MVB12B: variants seen among roughly 807,000 people sequenced by gnomAD.
MVB12B encodes multivesicular body subunit 12B.
A neutral mutation model predicts 41.6 loss-of-function variants in MVB12B; 16 were observed. The observed-to-expected ratio is 0.38, with a 90% confidence interval of 0.26 to 0.58. MVB12B has a LOEUF of 0.58. Ranked by LOEUF, MVB12B falls within the 20% of genes least tolerant of loss-of-function variation. MVB12B has a pLI of 0.62. For synonymous variants in MVB12B, 133 were observed against 139.7 expected (o/e 0.95, Z 0.34); for missense variants, 274 against 380.2 (o/e 0.72, Z 2.32).
intron 7 of MVB12B, among the ~76,000 whole-genome samples, chr9:126,448,823 C>T (rs1475859063): frequency 6.6e-6 from 1 of 152,170 alleles, no homozygotes; most frequent in Non-Finnish European, 1.5e-5. Flanking sequence ...CACCTCCCAC[C>T]AGGCTCCCCG....
chr9:126,377,979 G>A (rs982925661), intron 2 of MVB12B, among the ~76,000 whole-genome samples: 2 of 152,218 alleles, frequency 1.3e-5, no homozygotes, highest in Non-Finnish European at 2.9e-5. Flanking sequence ...CCTGTGCCCC[G>A]GCAGTGATGC....
intron 2 of MVB12B, among the ~76,000 whole-genome samples, chr9:126,354,803 T>C (rs1829838181): frequency 6.6e-6 from 1 of 152,228 alleles, no homozygotes; most frequent in Non-Finnish European, 1.5e-5. Context: ...TGCATTATTT[T>C]TGTAGCCGAT....
chr9:126,452,767 T>G (rs982109974), intron 7 of MVB12B, among the ~76,000 whole-genome samples: 12 of 151,872 alleles, frequency 7.9e-5, no homozygotes, highest in African/African-American at 2.7e-4. Flanking sequence ...CTGAAGTAAT[T>G]GGGATGTCTT....
rs1242877785 is a variant in MVB12B, at chr9:126,396,202, T to C, written c.662+505T>C. ...TGAGGAGTTTTTCAGGAAATGCTAG[T>C]TTTAACAATTGTCTCCGCAAAGAAA... On this transcript the variant is annotated intron_variant, in intron 6 of 9. Transcript: ENST00000361171. 6 of 986,676 alleles carry C rather than the reference T, an allele frequency of 6.1e-6. No individual in the cohort carries two copies. The African/African-American group carries it at 8.7e-5, about 14-fold the overall frequency. The allele number at this position is 986,676 out of a possible 1,614,324, so 61.1% of individuals were successfully genotyped here.
At chr9:126,350,302 A>T (rs1829712308) in intron 2 of MVB12B, among the ~76,000 whole-genome samples, 1 of 152,140 alleles carries the variant, frequency 6.6e-6, no homozygotes, top group Non-Finnish European at 1.5e-5. Flanking sequence ...TTTCATCTTA[A>T]CAGGGCCTTT....
chr9:126,357,847 T>A (rs960396796), intron 2 of MVB12B, among the ~76,000 whole-genome samples: 1 of 152,184 alleles, frequency 6.6e-6, no homozygotes, highest in Non-Finnish European at 1.5e-5. Flanking sequence ...AGTTTATTTT[T>A]TTTCTTTTAT....
At chr9:126,491,346 A>G (rs1224664341) in intron 9 of MVB12B, among the ~76,000 whole-genome samples, 1 of 152,210 alleles carries the variant, frequency 6.6e-6, no homozygotes, top group African/African-American at 2.4e-5. Context: ...CAATTTTATA[A>G]AAGCAAAATG....
At chr9:126,502,523 G>A (rs1197227429) in intron 9 of MVB12B, among the ~76,000 whole-genome samples, 1 of 151,348 alleles carries the variant, frequency 6.6e-6, no homozygotes, top group Non-Finnish European at 1.5e-5. Flanking sequence ...GCAGGGCTGA[G>A]CCGTGGAGGA....
At chr9:126,372,016 C>A (rs1302808516) in intron 2 of MVB12B, among the ~76,000 whole-genome samples, 1 of 152,244 alleles carries the variant, frequency 6.6e-6, no homozygotes, top group Non-Finnish European at 1.5e-5. Flanking sequence ...GAACGCTCCA[C>A]TCATTAGCCA....
intron 7 of MVB12B, among the ~76,000 whole-genome samples, chr9:126,461,846 C>A (rs1833098342): frequency 2.3e-5 from 2 of 85,764 alleles, no homozygotes; most frequent in African/African-American, 9.5e-5. Context: ...GGGGTCGGTG[C>A]CCGTGGGGGT....
At chr9:126,375,490 C>T (rs1322935000) in intron 2 of MVB12B, among the ~76,000 whole-genome samples, 1 of 149,626 alleles carries the variant, frequency 6.7e-6, no homozygotes, top group Non-Finnish European at 1.5e-5. Context: ...TCTAAATGCT[C>T]TCCCCTCCAC....
At chr9:126,503,154 T>C in intron 9 of MVB12B, 23 bp from the exon 10 acceptor site, 1 of 1,546,140 alleles carries the variant, frequency 6.5e-7, no homozygotes. Flanking sequence ...ACTGTGTCTC[T>C]CTGTCCCCAC....
Position 126,459,025 on chromosome 9 carries a change from C to T in MVB12B, c.758-22344C>T, listed in dbSNP as rs974338768. ...CTGAGTGCTGAGAAAACTCACTAAGCCTATAGATTCAGATGACCAAGGATC... is the reference window on the plus strand; with the variant it reads ...CTGAGTGCTGAGAAAACTCACTAAGTCTATAGATTCAGATGACCAAGGATC... On this transcript the variant is annotated intron_variant, in intron 7 of 9. Coordinates refer to ENST00000361171, the MANE Select transcript of MVB12B (RefSeq NM_033446.3). This position sits in a 1 kb window ranked among gnomAD's most constrained non-coding sequence, Gnocchi z 4.3. Among the ~76,000 whole-genome samples the T allele has an allele frequency of 6.6e-6, 1 of 152,190 alleles. No individual in the cohort carries two copies. Among genetic ancestry groups the T allele is most frequent in the African/African-American group, 2.4e-5 (1 of 41,436 alleles).
chr9:126,372,913 G>A (rs1460853827), intron 2 of MVB12B, among the ~76,000 whole-genome samples: 2 of 152,134 alleles, frequency 1.3e-5, no homozygotes, highest in African/African-American at 4.8e-5. Flanking sequence ...AGGCAGGGAG[G>A]CAGGAAATGG....
At position 126,392,482 on chromosome 9, in the gene MVB12B, CA is replaced by C. The variant is rs1298309503; in HGVS notation, c.539+288del. Among the ~76,000 whole-genome samples the C allele has an allele frequency of 6.6e-6, 1 of 152,236 alleles. No homozygotes were observed. The highest frequency in any genetic ancestry group is 2.4e-5 in the African/African-American group (1 of 41,460). On this transcript the variant is annotated intron_variant, in intron 5 of 9. Coordinates refer to ENST00000361171, the MANE Select transcript of MVB12B (RefSeq NM_033446.3). This position sits in a 1 kb window ranked among gnomAD's most constrained non-coding sequence, Gnocchi z 4.8. ...CGACACCCTGTGATGCCACTGGCCT[CA>C]GCTCTTCACACTCGTTATTCACCCT...
At chr9:126,433,101 T>G (rs1832373369) in intron 7 of MVB12B, among the ~76,000 whole-genome samples, 1 of 152,132 alleles carries the variant, frequency 6.6e-6, no homozygotes, top group South Asian at 2.1e-4. Context: ...TAAAGTTAAA[T>G]GACCTTGGGC....
At position 126,340,510 on chromosome 9, in the gene MVB12B, C is replaced by G; in HGVS notation, c.84C>G (p.Asp28Glu). Reference sequence around the variant, plus strand: ...TTCTTTTTCCTTTGCTGAACCAGGACCAGTCCACCATGCCTGAAGTCAAAG... The same window carrying G: ...TTCTTTTTCCTTTGCTGAACCAGGAGCAGTCCACCATGCCTGAAGTCAAAG... ...PPPPPPQRGT[D>E]QSTMPEVKDL... The change falls in exon 2 of 10, where the codon GAC becomes GAG. Residue 28 changes from aspartate to glutamate, a missense_variant and splice_region_variant. By Grantham distance (45) the Asp-to-Glu change is conservative. Coordinates refer to ENST00000361171, the MANE Select transcript of MVB12B (RefSeq NM_033446.3). This position sits in a 1 kb window ranked among gnomAD's most constrained non-coding sequence, Gnocchi z 4.0. 6.2e-7 allele frequency: 1 copy of G among 1,613,972 alleles called. No individual in the cohort carries two copies. Among genetic ancestry groups the G allele is most frequent in the Non-Finnish European group, 8.5e-7 (1 of 1,179,916 alleles).
Position 126,395,834 on chromosome 9 carries a change from A to G in MVB12B, c.662+137A>G. On this transcript the variant is annotated intron_variant, in intron 6 of 9. Transcript: ENST00000361171. This position sits in a 1 kb window ranked among gnomAD's most constrained non-coding sequence, Gnocchi z 4.9. ...AATTGTAGAAGCAATATATCTTTAG[A>G]GGAGATTTTTAAAAATCCACTTGGA... 3.4e-6 allele frequency: 5 copies of G among 1,464,458 alleles called. No individual in the cohort carries two copies. Among genetic ancestry groups the G allele is most frequent in the Non-Finnish European group, 4.5e-6 (5 of 1,109,694 alleles). 90.7% of individuals were successfully genotyped at this position (1,464,458 alleles called of 1,614,324 possible).
At chr9:126,346,668 G>A (rs924538699) in intron 2 of MVB12B, among the ~76,000 whole-genome samples, 5 of 152,246 alleles carry the variant, frequency 3.3e-5, no homozygotes, top group Non-Finnish European at 7.4e-5. Context: ...AGAAGAGAGG[G>A]TGTGCCATTT....
Sources: allele counts gnomAD v4.1 joint callset (sites outside exome capture counted in the v4.1 genomes callset), GRCh38; gene constraint gnomAD v4.1.1; non-coding constraint Gnocchi (gnomAD v3.1); transcripts MANE v1.5; gene names NCBI Gene and HGNC (gene_info 2026-07-23, HGNC 2026-07-21).